The following VSIG10L variants were observed in gnomAD, a reference collection of about 807,000 sequenced individuals.
The protein encoded by VSIG10L is V-set and immunoglobulin domain containing 10 like.
VSIG10L carries 63 observed loss-of-function variants against 67.3 expected under a neutral mutation model. That is an observed-to-expected ratio of 0.94 (90% CI 0.76 to 1.15). VSIG10L has a LOEUF of 1.15. VSIG10L is among the 50% of genes most tolerant of loss of function. VSIG10L has a pLI of 0.00. For synonymous variants in VSIG10L, 499 were observed against 524.9 expected (o/e 0.95, Z 0.67); for missense variants, 1,050 against 1,177.5 (o/e 0.89, Z 1.58).
At chr19:51,335,181 G>A (rs1480107277) in intron 7 of VSIG10L, among the ~76,000 whole-genome samples, 2 of 152,206 alleles carry the variant, frequency 1.3e-5, no homozygotes, top group African/African-American at 4.8e-5. Flanking sequence ...CGTGGGTGGA[G>A]GATAAGGAAG....
Position 51,337,957 on chromosome 19 carries a change from C to T in VSIG10L, c.1981G>A (p.Ala661Thr). The change falls in exon 6 of 10, where the codon GCT becomes ACT. Residue 661 changes from alanine to threonine, a missense_variant. Transcript: ENST00000335624. Reference protein sequence around the residue: ...YSVLCSGALGAGGDQITLIGP... With the variant: ...YSVLCSGALGTGGDQITLIGP... ...ATGAGGGTGATCTGGTCACCGCCAG[C>T]ACCCAGCGCCCCACTGCACAGCACG... is the stretch of plus-strand genomic sequence containing the variant. 6.4e-7 allele frequency: 1 copy of T among 1,550,558 alleles called. No individual in the cohort carries two copies.
Position 51,341,697 on chromosome 19 carries a change from T to C in VSIG10L, c.351A>G (p.Glu117=). Residue 117 remains glutamate, a synonymous_variant, in exon 2 of 10, where the codon GAA becomes GAG. Transcript: ENST00000335624. ...GAGGATCCGAAATATCAGGAAATAC[T>C]TCAGAACCAGGGGTTTCAGAGAAGG... ...VSPFSETPGS[E]VFPDISDPQV... 2 of 1,551,676 alleles carry C rather than the reference T, an allele frequency of 1.3e-6. No homozygotes were observed. Among genetic ancestry groups the C allele is most frequent in the Non-Finnish European group, 1.7e-6 (2 of 1,146,984 alleles).
Position 51,338,919 on chromosome 19 carries a change from C to A in VSIG10L, c.1698G>T (p.Leu566=), listed in dbSNP as rs763818812. ...GVPITCLARH[L]VATRTCTVTP... is the part of the protein sequence containing the mutation. ...TGACTGTGCAGGTACGCGTGGCCAC[C>A]AGGTGGCGAGCAAGGCAGGTGATGG... The change falls in exon 5 of 10, where the codon CTG becomes CTT. Residue 566 remains leucine (L), a synonymous_variant. Coordinates refer to ENST00000335624, the MANE Select transcript of VSIG10L (RefSeq NM_001163922.3). 3 of 1,444,350 alleles carry A rather than the reference C, an allele frequency of 2.1e-6. No individual in the cohort carries two copies. The South Asian group carries it at 4.2e-5, about 20-fold the overall frequency. 89.5% of individuals were successfully genotyped at this position (1,444,350 alleles called of 1,614,324 possible).
chr19:51,337,377 G>A lies in VSIG10L; in HGVS notation c.2166C>T (p.Ser722=), dbSNP rs1985509058. The change falls in exon 7 of 10, where the codon TCC becomes TCT. Residue 722 remains serine, a synonymous_variant. Transcript: ENST00000335624. The part of the protein sequence containing the change: ...GRTSTYRDWV[S]LLILGPQERS... ...GCTCCTGAGGCCCCAGGATGAGCAG[G>A]GAGACCCAGTCCCTGTAGGTGGAAG... The A allele has an allele frequency of 6.4e-7, 1 of 1,551,730 alleles. No homozygotes were observed. The highest frequency in any genetic ancestry group is 8.7e-7 in the Non-Finnish European group (1 of 1,147,014).
At chr19:51,333,701 G>A in intron 9 of VSIG10L, 90 bp downstream of exon 9, 6 of 1,383,878 alleles carry the variant, frequency 4.3e-6, no homozygotes, top group Non-Finnish European at 9.6e-7. Context: ...TAAAACTGGA[G>A]TTAGATAATT....
chr19:51,340,617 G>C lies in VSIG10L; in HGVS notation c.1005C>G (p.Ser335Arg), dbSNP rs1173873326. ...CCAGGGCGCGTCCGTCCCGGCTCCAGCTCAGCTCCCCGCGACCTGGCCCCC... is the reference window on the plus strand; with the variant it reads ...CCAGGGCGCGTCCGTCCCGGCTCCACCTCAGCTCCCCGCGACCTGGCCCCC... ...LGWGPGRGELSWSRDGRALEA... is the reference protein window; with the variant it reads ...LGWGPGRGELRWSRDGRALEA... Residue 335 changes from serine (S) to arginine (R), a missense_variant, in exon 3 of 10, where the codon AGC (serine) becomes AGG (arginine). Ser to Arg is a moderately radical substitution (Grantham distance 110, BLOSUM62 -1). Coordinates refer to ENST00000335624, the MANE Select transcript of VSIG10L (RefSeq NM_001163922.3). The surrounding 1 kb of genome is among the most constrained non-coding windows in gnomAD (Gnocchi z 6.3). 2.6e-6 allele frequency: 4 copies of C among 1,534,806 alleles called. No individual in the cohort carries two copies. The highest frequency in any genetic ancestry group is 3.5e-6 in the Non-Finnish European group (4 of 1,146,234).
At position 51,338,093 on chromosome 19, in the gene VSIG10L, C is replaced by T; in HGVS notation, c.1845G>A (p.Arg615=). 2 of 1,551,246 alleles carry T rather than the reference C, an allele frequency of 1.3e-6. No individual in the cohort carries two copies. Among genetic ancestry groups the T allele is most frequent in the Non-Finnish European group, 8.7e-7 (1 of 1,146,806 alleles). Residue 615 remains arginine (R), a synonymous_variant, in exon 6 of 10, where the codon CGG becomes CGA. Transcript: ENST00000335624. ...CTCCTGGAGCCAGGGGCCTCCCTTC[C>T]CGGGCCCAGGATGCCCGTGAGGGTG... The part of the protein sequence containing the change: ...CPPPSRASWA[R]EGRPLAPGGG...
intron 8 of VSIG10L, 119 bp from the exon 9 acceptor site, chr19:51,334,064 G>A (rs1985420661): frequency 6.8e-7 from 1 of 1,478,950 alleles, no homozygotes; most frequent in East Asian, 2.5e-5. Context: ...TGGCTGATTT[G>A]GAGGTAGGAG....
chr19:51,340,333 A>C lies in VSIG10L; in HGVS notation c.1190-34T>G. The C allele has an allele frequency of 2.0e-6, 3 of 1,484,070 alleles. No homozygotes were observed. Among genetic ancestry groups the C allele is most frequent in the Non-Finnish European group, 2.7e-6 (3 of 1,119,420 alleles). 91.9% of individuals were successfully genotyped at this position (1,484,070 alleles called of 1,614,324 possible). ...AGGAGGGGTCGGGACCGCGAGTGTC[A>C]GGGTCACCTGGGACGCCGCTAGGAC... is the stretch of plus-strand genomic sequence containing the variant. On this transcript the variant is annotated intron_variant, in intron 3 of 9. Coordinates refer to ENST00000335624, the MANE Select transcript of VSIG10L (RefSeq NM_001163922.3). The surrounding 1 kb of genome is among the most constrained non-coding windows in gnomAD (Gnocchi z 6.3).
Position 51,341,265 on chromosome 19 carries a change from C to T in VSIG10L, c.783G>A (p.Arg261=). The T allele has an allele frequency of 6.4e-7, 1 of 1,550,460 alleles. No individual in the cohort carries two copies. Among genetic ancestry groups the T allele is most frequent in the Non-Finnish European group, 8.7e-7 (1 of 1,146,946 alleles). ...HRDHLRFDQA[R]GVLELASAQL... is the part of the protein sequence containing the mutation. ...GGGCAGAGGCGAGCTCCAGAACCCC[C>T]CGGGCCTGGTCAAATCGCAGGTGGT... The change falls in exon 2 of 10, where the codon CGG becomes CGA. Residue 261 remains arginine (R), a synonymous_variant. Coordinates refer to ENST00000335624, the MANE Select transcript of VSIG10L (RefSeq NM_001163922.3).
In VSIG10L at chr19:51,340,739, G is replaced by C. The variant is rs1035989114; in HGVS notation, c.896-13C>G. The C allele has an allele frequency of 2.0e-6, 3 of 1,478,712 alleles. No homozygotes were observed. The African/African-American group carries it at 4.2e-5, about 21-fold the overall frequency. The allele number at this position is 1,478,712 out of a possible 1,614,324, so 91.6% of individuals were successfully genotyped here. ...TGGGGTAGGGGCTCTGGGAGAGGGA[G>C]AATGGGCTCAGGACCCACCCAGTCC... On this transcript the variant is annotated splice_polypyrimidine_tract_variant and intron_variant, in intron 2 of 9. Transcript: ENST00000335624. This position sits in a 1 kb window ranked among gnomAD's most constrained non-coding sequence, Gnocchi z 6.3.
chr19:51,335,280 A>C (rs1985455307), intron 7 of VSIG10L, among the ~76,000 whole-genome samples: 1 of 152,202 alleles, frequency 6.6e-6, no homozygotes, highest in African/African-American at 2.4e-5. Context: ...GACGGCTTTT[A>C]TGTAGAGCAG....
chr19:51,334,161 G>T (rs775049125), intron 8 of VSIG10L, 30 bp downstream of exon 8: 1 of 1,549,436 alleles, frequency 6.5e-7, no homozygotes, highest in South Asian at 1.2e-5. Context: ...CGTTGGTCAT[G>T]GTTGCCCCTT....
rs113327187 is a variant in VSIG10L, at chr19:51,338,747, T to C, written c.1729+141A>G. 1,636 of 1,063,240 alleles carry C rather than the reference T, an allele frequency of 1.5e-3. 18 individuals are homozygous for C. In the African/African-American group the frequency reaches 0.021, roughly 14 times the overall value. 65.9% of individuals were successfully genotyped at this position (1,063,240 alleles called of 1,614,324 possible). The stretch of plus-strand genomic sequence containing the variant: ...TGAGGTATAGGAAAATCTTTGTCCC[T>C]TTTCTAGTTTGAAGACAGTGAAGTC... On this transcript the variant is annotated intron_variant, in intron 5 of 9. Transcript: ENST00000335624.
At position 51,340,837 on chromosome 19, in the gene VSIG10L, C is replaced by T. The variant is rs1985618636; in HGVS notation, c.896-111G>A. On this transcript the variant is annotated intron_variant, in intron 2 of 9. Coordinates refer to ENST00000335624, the MANE Select transcript of VSIG10L (RefSeq NM_001163922.3). The surrounding 1 kb of genome is among the most constrained non-coding windows in gnomAD (Gnocchi z 6.3). ...CTCTAAGCCCCTGGAGTCTCAGCCC[C>T]CATCCCTCTCCTCTCATAAACCTAT... The T allele has an allele frequency of 7.8e-7, 1 of 1,274,474 alleles. No individual in the cohort carries two copies. Among genetic ancestry groups the T allele is most frequent in the Non-Finnish European group, 1.0e-6 (1 of 967,016 alleles). 78.9% of individuals were successfully genotyped at this position (1,274,474 alleles called of 1,614,324 possible).
chr19:51,336,802 C>G (rs1263672432), intron 7 of VSIG10L, among the ~76,000 whole-genome samples: 1 of 133,354 alleles, frequency 7.5e-6, no homozygotes, highest in Admixed American at 8.2e-5. Flanking sequence ...GAGTCTGGCT[C>G]TTTCACCCAG....
At position 51,337,240 on chromosome 19, in the gene VSIG10L, G is replaced by C. The variant is rs1177413876; in HGVS notation, c.2303C>G (p.Ala768Gly). ...GTPSQSRVYR[A>G]GPTLSHGAIA... ...CTACTCTGACAGCCCCAACTCACCG[G>C]CCCGGTAGACCCGGCTTTGTGATGG... Residue 768 changes from alanine to glycine, a missense_variant and splice_region_variant, in exon 7 of 10, where the codon GCC becomes GGC. By Grantham distance (60) the Ala-to-Gly change is moderately conservative. This residue lies in a region of VSIG10L where 529 missense variants were observed against 584.9 expected (regional missense o/e 0.90). Transcript: ENST00000335624. 2.6e-6 allele frequency: 4 copies of C among 1,545,190 alleles called. No individual in the cohort carries two copies. In the East Asian group the frequency reaches 9.8e-5, roughly 38 times the overall value.
intron 4 of VSIG10L, 33 bp downstream of exon 4, chr19:51,339,982 A>T: frequency 8.1e-7 from 1 of 1,230,912 alleles, no homozygotes; most frequent in Middle Eastern, 3.3e-4. Context: ...CCCCTCTCCC[A>T]GGCATTCCCC....
chr19:51,339,756 C>A, intron 4 of VSIG10L: 1 of 356,954 alleles, frequency 2.8e-6, no homozygotes, highest in East Asian at 4.8e-5. Context: ...CCTGGTCATC[C>A]CTGCCACTCT....
Sources: gnomAD v4.1 joint callset for allele counts (sites outside exome capture counted in the v4.1 genomes callset) on GRCh38, gnomAD v4.1.1 for gene constraint, gnomAD v4.1.1 regional missense constraint, Gnocchi (gnomAD v3.1) non-coding constraint, MANE v1.5 for transcripts, NCBI Gene and HGNC (gene_info 2026-07-23, HGNC 2026-07-21) for gene names.